DNMT1: variants seen among roughly 807,000 people sequenced by gnomAD.
The protein encoded by DNMT1 is DNA (cytosine-5)-methyltransferase 1.
A neutral mutation model predicts 205.3 loss-of-function variants in DNMT1; 24 were observed. The observed-to-expected ratio is 0.12, with a 90% CI of 0.08 to 0.16. The LOEUF (loss-of-function observed/expected upper bound fraction) is 0.16. Among genes scored for constraint, DNMT1 ranks in the 10% least tolerant of loss-of-function variants. The pLI is 1.00. For synonymous variants in DNMT1, 817 were observed against 839.8 expected, an observed-to-expected ratio of 0.97 and a Z score of 0.47; for missense variants, 1,293 against 2,177.7, an observed-to-expected ratio of 0.59 and a Z score of 8.09.
intron 24 of DNMT1, 130 bp from the exon 25 acceptor site, chr19:10,150,098 C>T: frequency 2.5e-6 from 2 of 800,516 alleles, no homozygotes; most frequent in South Asian, 2.8e-5. Context: ...AGAGTTGCTG[C>T]TAAAGAGAAC....
intron 1 of DNMT1, among the ~76,000 whole-genome samples, chr19:10,189,498 C>T (rs1378620908): frequency 1.3e-5 from 2 of 151,480 alleles, no homozygotes; most frequent in Non-Finnish European, 2.9e-5. Context: ...TGGCAAACTG[C>T]AGCCTCGACC....
rs1363710824 is a variant in DNMT1, at chr19:10,137,120, G to C, written c.4454C>G (p.Ser1485Cys). ...GGAGCAGACCCCACGGAGGGCCCCA[G>C]AGCTGCTGCGGCCGTTCTTCCTGTC... The part of the protein sequence containing the change: ...HHDRKNGRSS[S>C]GALRGVCSCV... The change falls in exon 37 of 41, where the codon TCT (serine) becomes TGT (cysteine). Residue 1485 changes from serine (S) to cysteine (C), a missense_variant. By Grantham distance (112) the Ser-to-Cys change is moderately radical. Coordinates refer to ENST00000359526, the MANE Select transcript of DNMT1 (RefSeq NM_001130823.3). The surrounding 1 kb of genome is among the most constrained non-coding windows in gnomAD (Gnocchi z 6.4). The C allele has an allele frequency of 6.2e-7, 1 of 1,611,978 alleles. No homozygotes were observed. Among genetic ancestry groups the C allele is most frequent in the South Asian group, 1.1e-5 (1 of 90,658 alleles).
At chr19:10,189,940 C>T (rs1367885994) in intron 1 of DNMT1, among the ~76,000 whole-genome samples, 5 of 152,066 alleles carry the variant, frequency 3.3e-5, no homozygotes, top group South Asian at 4.1e-4. Context: ...GTCGAGCAGG[C>T]AGCCCCACCC....
rs372425803 is a variant in DNMT1 at position 10,159,644 on chromosome 19, G to C, written c.1280+14C>G. 80 of 1,613,294 alleles carry C rather than the reference G, an allele frequency of 5.0e-5. No individual in the cohort carries two copies. The African/African-American group carries it at 8.3e-4, about 17-fold the overall frequency. On this transcript the variant is annotated intron_variant, in intron 17 of 40. Coordinates refer to ENST00000359526, the MANE Select transcript of DNMT1 (RefSeq NM_001130823.3). This position sits in a 1 kb window ranked among gnomAD's most constrained non-coding sequence, Gnocchi z 5.0. ...CCTTCCACGAAGCAAACATGCACAC[G>C]AAAGTGCACTTACCTGAAGCAGGTC...
rs1303411440 is a variant in DNMT1, at chr19:10,133,654, C to T, written c.*13G>A. On this transcript the variant is annotated 3_prime_UTR_variant, in exon 41 of 41. Transcript: ENST00000359526. This position sits in a 1 kb window ranked among gnomAD's most constrained non-coding sequence, Gnocchi z 4.1. ...TTCCTGGTGCCAGAAACAGGGGTGA[C>T]GGGAGGGCAGAACTAGTCCTTAGCA... 11 of 1,597,750 alleles carry T rather than the reference C, an allele frequency of 6.9e-6. No individual in the cohort carries two copies. The highest frequency in any genetic ancestry group is 1.1e-5 in the South Asian group (1 of 88,232).
intron 11 of DNMT1, among the ~76,000 whole-genome samples, chr19:10,166,114 T>C (rs558007900): frequency 1.3e-5 from 2 of 152,210 alleles, no homozygotes; most frequent in South Asian, 2.1e-4. Flanking sequence ...GGCCATCCTG[T>C]ACTTTGACAG....
chr19:10,177,279 A>G lies in DNMT1; in HGVS notation c.569+13T>C, dbSNP rs2038954936. 6.2e-7 allele frequency: 1 copy of G among 1,613,722 alleles called. No individual in the cohort carries two copies. Among genetic ancestry groups the G allele is most frequent in the African/African-American group, 1.3e-5 (1 of 74,918 alleles). ...CCCTAAAAAAGGCAGCCGCCAATTT[A>G]TCGTATACTGACCCCTTTGCAAAAT... is the stretch of plus-strand genomic sequence containing the variant. On this transcript the variant is annotated intron_variant, in intron 6 of 40. Coordinates refer to ENST00000359526, the MANE Select transcript of DNMT1 (RefSeq NM_001130823.3).
At chr19:10,187,349 A>C (rs2039207972) in intron 1 of DNMT1, among the ~76,000 whole-genome samples, 1 of 152,102 alleles carries the variant, frequency 6.6e-6, no homozygotes. Context: ...CATGCCTGTA[A>C]TCTCTACACT....
In DNMT1 at chr19:10,180,965, G is replaced by T. The variant is rs1185482159; in HGVS notation, c.118-80C>A. 3.5e-6 allele frequency: 4 copies of T among 1,135,036 alleles called. No homozygotes were observed. The African/African-American group carries it at 4.6e-5, about 13-fold the overall frequency. 70.3% of individuals were successfully genotyped at this position (1,135,036 alleles called of 1,614,324 possible). ...GGACTAATACACAAATTATTGAGCT[G>T]CCTGATCACATCACAATGAGTGAAT... On this transcript the variant is annotated intron_variant, in intron 2 of 40. Transcript: ENST00000359526.
chr19:10,178,864 C>A (rs376973726), intron 5 of DNMT1, among the ~76,000 whole-genome samples: 1 of 151,946 alleles, frequency 6.6e-6, no homozygotes, highest in African/African-American at 2.4e-5. Flanking sequence ...CGGTGGCTCA[C>A]GCCTGTAATC....
At chr19:10,173,284 G>C (rs910679571) in intron 8 of DNMT1, 110 bp from the exon 9 acceptor site, 1 of 1,055,602 alleles carries the variant, frequency 9.5e-7, no homozygotes, top group African/African-American at 1.6e-5. Context: ...ATTATCTCAG[G>C]AGCCCTGACA....
At chr19:10,147,370 G>A (rs2145285768) in intron 27 of DNMT1, among the ~76,000 whole-genome samples, 1 of 152,284 alleles carries the variant, frequency 6.6e-6, no homozygotes, top group South Asian at 2.1e-4. Context: ...CAGCACTTTA[G>A]GAGCCTGAAG....
At chr19:10,184,991 T>C (rs1344323728) in intron 1 of DNMT1, among the ~76,000 whole-genome samples, 13 of 152,346 alleles carry the variant, frequency 8.5e-5, no homozygotes, top group Non-Finnish European at 1.8e-4. Flanking sequence ...CTCTGGGTCA[T>C]GCGGGCCCTG....
chr19:10,159,741 A>G lies in DNMT1; in HGVS notation c.1197T>C (p.Asn399=). ...DAVDEPQMLT[N]EKLSIFDANE... The stretch of plus-strand genomic sequence containing the variant: ...TGGCATCAAAGATGGACAGCTTCTC[A>G]TTTGTCAGCATCTGTGGCTCATCCA... The change falls in exon 17 of 41, where the codon AAT becomes AAC. Residue 399 remains asparagine, a synonymous_variant. Coordinates refer to ENST00000359526, the MANE Select transcript of DNMT1 (RefSeq NM_001130823.3). The surrounding 1 kb of genome is among the most constrained non-coding windows in gnomAD (Gnocchi z 5.0). The G allele has an allele frequency of 6.2e-7, 1 of 1,614,166 alleles. No individual in the cohort carries two copies. Among genetic ancestry groups the G allele is most frequent in the Non-Finnish European group, 8.5e-7 (1 of 1,180,028 alleles).
At chr19:10,139,988 T>G in intron 33 of DNMT1, 58 bp downstream of exon 33, 1 of 1,601,502 alleles carries the variant, frequency 6.2e-7, no homozygotes, top group Non-Finnish European at 8.5e-7. Flanking sequence ...TGACCACTGC[T>G]GACATGCGGC....
intron 1 of DNMT1, among the ~76,000 whole-genome samples, chr19:10,188,256 C>T (rs2039233734): frequency 6.6e-6 from 1 of 152,070 alleles, no homozygotes; most frequent in African/African-American, 2.4e-5. Flanking sequence ...AAAGAGTAGA[C>T]CCACTGGGCA....
Position 10,148,934 on chromosome 19 carries a change from C to T in DNMT1, c.2670G>A (p.Ala890=), listed in dbSNP as rs372694243. 12 of 1,614,082 alleles carry T rather than the reference C, an allele frequency of 7.4e-6. No homozygotes were observed. In the East Asian group the frequency reaches 8.9e-5, roughly 12 times the overall value. Residue 890 remains alanine (A), a synonymous_variant, in exon 27 of 41, where the codon GCG becomes GCA. Transcript: ENST00000359526. ...GGGTTTTTGGAGGGGACTCGAATCT[C>T]GCGTAGTCTTGATCATACCACAGCT... The part of the protein sequence containing the change: ...FYQLWYDQDY[A]RFESPPKTQP...
In DNMT1 at chr19:10,140,513, G is replaced by GCA. The variant is rs940422522; in HGVS notation, c.3524-187_3524-186dup. ...GCCTCCTGAGTAGCTGGGACTACAG[G>GCA]CACACACCACCACGCCCAGCTAATT... On this transcript the variant is annotated intron_variant, in intron 32 of 40. Transcript: ENST00000359526. This position sits in a 1 kb window ranked among gnomAD's most constrained non-coding sequence, Gnocchi z 8.4. 2.1e-6 allele frequency: 2 copies of GCA among 948,488 alleles called. No homozygotes were observed. Among genetic ancestry groups the GCA allele is most frequent in the Non-Finnish European group, 3.2e-6 (2 of 634,218 alleles). The allele number at this position is 948,488 out of a possible 1,614,324, so 58.8% of individuals were successfully genotyped here.
Position 10,138,767 on chromosome 19 carries a change from AGAG to A in DNMT1, c.3949-165_3949-163del, listed in dbSNP as rs1475038773. On this transcript the variant is annotated intron_variant, in intron 34 of 40. Coordinates refer to ENST00000359526, the MANE Select transcript of DNMT1 (RefSeq NM_001130823.3). This position sits in a 1 kb window ranked among gnomAD's most constrained non-coding sequence, Gnocchi z 4.1. ...TACCTCAGCAGGCGTGCTCCTGGTC[AGAG>A]GAGTTTGGAGCAGATAAAGAACAAA... 6.6e-6 allele frequency among the ~76,000 whole-genome samples: 1 copy of A among 152,214 alleles called. No individual in the cohort carries two copies. The highest frequency in any genetic ancestry group is 1.5e-5 in the Non-Finnish European group (1 of 68,030).
Sources: allele counts gnomAD v4.1 joint callset (sites outside exome capture counted in the v4.1 genomes callset), GRCh38; gene constraint gnomAD v4.1.1; non-coding constraint Gnocchi (gnomAD v3.1); transcripts MANE v1.5; gene names NCBI Gene and HGNC (gene_info 2026-07-23, HGNC 2026-07-21).